ADAMTS6: variants seen among roughly 807,000 people sequenced by gnomAD.
ADAMTS6 encodes the protein ADAM metallopeptidase with thrombospondin type 1 motif 6.
ADAMTS6 carries 23 observed loss-of-function variants against 144.3 expected under a neutral mutation model. The observed-to-expected ratio is 0.16, with a 90% CI of 0.11 to 0.23. The LOEUF is 0.23. Ranked by LOEUF, ADAMTS6 falls within the 10% of genes least tolerant of loss-of-function variation. The pLI is 1.00. For missense variants in ADAMTS6, 999 were observed against 1,379.6 expected (o/e 0.72, Z 4.37); for synonymous variants, 444 against 457.5 (o/e 0.97, Z 0.38).
At chr5:65,375,022 T>G (rs1237434368) in intron 7 of ADAMTS6, among the ~76,000 whole-genome samples, 7 of 152,204 alleles carry the variant, frequency 4.6e-5, no homozygotes, top group African/African-American at 1.7e-4. Context: ...GGATTCCCTA[T>G]TTAATAAATG....
chr5:65,296,423 G>A (rs1742843365), intron 10 of ADAMTS6, among the ~76,000 whole-genome samples: 1 of 152,106 alleles, frequency 6.6e-6, no homozygotes. Context: ...ACTGTATTGA[G>A]AATGGTTTAC....
At chr5:65,400,824 C>G (rs2072035963) in intron 7 of ADAMTS6, among the ~76,000 whole-genome samples, 1 of 152,072 alleles carries the variant, frequency 6.6e-6, no homozygotes, top group Non-Finnish European at 1.5e-5. Context: ...CAGTCATGTC[C>G]AGTCTACTAA....
chr5:65,337,109 T>C (rs2150069662), intron 7 of ADAMTS6, among the ~76,000 whole-genome samples: 1 of 152,226 alleles, frequency 6.6e-6, no homozygotes, highest in East Asian at 1.9e-4. Context: ...ATACTATAAA[T>C]TGGGAATAAT....
chr5:65,178,585 G>A (rs1022815310), intron 22 of ADAMTS6, among the ~76,000 whole-genome samples: 1 of 152,174 alleles, frequency 6.6e-6, no homozygotes, highest in Admixed American at 6.5e-5. Flanking sequence ...CCAAACTGTG[G>A]GGCCCTGGCC....
intron 7 of ADAMTS6, among the ~76,000 whole-genome samples, chr5:65,366,941 C>T (rs1750358676): frequency 6.6e-6 from 1 of 152,140 alleles, no homozygotes; most frequent in African/African-American, 2.4e-5. Flanking sequence ...CCAAGACAGA[C>T]TCTGTGCTTT....
At chr5:65,241,916 A>G (rs1363378495) in intron 15 of ADAMTS6, among the ~76,000 whole-genome samples, 188 bp downstream of exon 15, 1 of 152,210 alleles carries the variant, frequency 6.6e-6, no homozygotes, top group Non-Finnish European at 1.5e-5. Context: ...ACTAATATAT[A>G]AACCTTATTA....
intron 15 of ADAMTS6, among the ~76,000 whole-genome samples, chr5:65,230,675 A>G (rs1336773083): frequency 1.1e-5 from 1 of 87,774 alleles, no homozygotes; most frequent in Admixed American, 1.4e-4. Context: ...ACACATATGT[A>G]TGAAATATAT....
rs1405389152 is a variant in ADAMTS6, at chr5:65,242,251, C to A, written c.1831-45G>T. 5.5e-6 allele frequency: 8 copies of A among 1,461,106 alleles called. No individual in the cohort carries two copies. In the African/African-American group the frequency reaches 8.4e-5, roughly 15 times the overall value. The allele number at this position is 1,461,106 out of a possible 1,614,324, so 90.5% of individuals were successfully genotyped here. A position where few individuals can be genotyped will look rare whatever the true frequency, so the allele number is the denominator to read the frequency against. On this transcript the variant is annotated intron_variant, in intron 14 of 24. Coordinates refer to ENST00000381055, the MANE Select transcript of ADAMTS6 (RefSeq NM_197941.4). ...TAAATGGTACCATTGTTGGAAAATA[C>A]CAAAAGCAAGGGACAATGTCCCTAA...
rs148325422 is a variant in ADAMTS6, at chr5:65,419,579, A to G, written c.1073+31896T>C. Among the ~76,000 whole-genome samples the G allele has an allele frequency of 9.2e-5, 14 of 152,338 alleles. No homozygotes were observed. The East Asian group carries it at 2.5e-3, about 27-fold the overall frequency. On this transcript the variant is annotated intron_variant, in intron 7 of 24. Transcript: ENST00000381055. ...TATAGAAAAAATTTTAAAAAGAAAA[A>G]TATTTTTGAATTAATGAATAAATCA...
intron 1 of ADAMTS6, among the ~76,000 whole-genome samples, chr5:65,475,851 T>C (rs571485155): frequency 1.3e-5 from 2 of 152,322 alleles, no homozygotes; most frequent in African/African-American, 4.8e-5. Context: ...TTAATACATA[T>C]TGCTTCTTTT....
At chr5:65,328,499 C>T (rs1211237929) in intron 9 of ADAMTS6, among the ~76,000 whole-genome samples, 4 of 150,896 alleles carry the variant, frequency 2.7e-5, no homozygotes, top group Admixed American at 1.3e-4. Flanking sequence ...ATTTGCTAAA[C>T]GTCAACTGTT....
chr5:65,430,217 A>G (rs535429456), intron 7 of ADAMTS6, among the ~76,000 whole-genome samples: 82 of 151,928 alleles, frequency 5.4e-4, no homozygotes, highest in African/African-American at 2.0e-3. Context: ...AAGGGCTGAG[A>G]TATAAGACTG....
At chr5:65,377,793 T>C (rs1307809652) in intron 7 of ADAMTS6, among the ~76,000 whole-genome samples, 2 of 152,182 alleles carry the variant, frequency 1.3e-5, no homozygotes, top group African/African-American at 2.4e-5. Flanking sequence ...TAGCTTAAAA[T>C]AACACAAATT....
chr5:65,275,395 G>GAAAGAAAGA (rs1561364238), intron 11 of ADAMTS6, among the ~76,000 whole-genome samples: 6 of 131,238 alleles, frequency 4.6e-5, no homozygotes, highest in Non-Finnish European at 1.0e-4. Flanking sequence ...AAGAAAGAAA[G>GAAAGAAAGA]AAAGAAAGAA....
chr5:65,327,920 G>A (rs1746325124), intron 9 of ADAMTS6, among the ~76,000 whole-genome samples: 1 of 152,162 alleles, frequency 6.6e-6, no homozygotes, highest in South Asian at 2.1e-4. Context: ...GAATCTAACA[G>A]AACCTAATAA....
intron 1 of ADAMTS6, among the ~76,000 whole-genome samples, chr5:65,479,073 T>C (rs1761033361): frequency 6.6e-6 from 1 of 152,346 alleles, no homozygotes; most frequent in Admixed American, 6.5e-5. Flanking sequence ...AAAGAATGTG[T>C]ATAATGTTCT....
At chr5:65,407,593 G>T (rs1754657543) in intron 7 of ADAMTS6, among the ~76,000 whole-genome samples, 1 of 148,740 alleles carries the variant, frequency 6.7e-6, no homozygotes, top group African/African-American at 2.5e-5. Flanking sequence ...GCGGTGTTTG[G>T]TTTTTTGTCC....
At chr5:65,317,870 G>A (rs1201645594) in intron 9 of ADAMTS6, among the ~76,000 whole-genome samples, 2 of 151,924 alleles carry the variant, frequency 1.3e-5, no homozygotes, top group Non-Finnish European at 2.9e-5. Context: ...TCAGGAGATC[G>A]AGACCATCCT....
chr5:65,362,221 A>C (rs1749896097), intron 7 of ADAMTS6, among the ~76,000 whole-genome samples: 1 of 152,218 alleles, frequency 6.6e-6, no homozygotes, highest in East Asian at 1.9e-4. Context: ...ACATGAAGTT[A>C]GCCTGTCAGG....
Sources: gnomAD v4.1 joint callset for allele counts (sites outside exome capture counted in the v4.1 genomes callset) on GRCh38, gnomAD v4.1.1 for gene constraint, MANE v1.5 for transcripts, NCBI Gene and HGNC (gene_info 2026-07-23, HGNC 2026-07-21) for gene names.